The following DOCK10 variants were observed in gnomAD, a reference collection of about 807,000 sequenced individuals.
The protein encoded by DOCK10 is dedicator of cytokinesis protein 10.
In DOCK10, 145 loss-of-function variants were observed where a neutral mutation model predicts 280.1. The observed-to-expected ratio is 0.52, with a 90% CI of 0.45 to 0.59. The LOEUF is 0.59. Among genes scored for constraint, DOCK10 ranks in the 20% least tolerant of loss-of-function variants. The probability of loss-of-function intolerance (pLI) is 0.00; values close to 1 mark genes in which losing one functional copy is unlikely to be tolerated. For missense variants in DOCK10, 2,368 were observed against 2,651.7 expected (o/e 0.89, Z 2.35); for synonymous variants, 915 against 942.2 (o/e 0.97, Z 0.53).
intron 6 of DOCK10, 54 bp from the exon 7 acceptor site, chr2:224,885,859 C>A: frequency 6.4e-7 from 1 of 1,573,614 alleles, no homozygotes; most frequent in South Asian, 1.2e-5. Context: ...TGCTATTACT[C>A]ATAGAAATTA....
At chr2:224,952,616 G>A (rs964720598) in intron 1 of DOCK10, among the ~76,000 whole-genome samples, 4 of 147,010 alleles carry the variant, frequency 2.7e-5, no homozygotes, top group Non-Finnish European at 4.5e-5. Flanking sequence ...TTTTTGAGAC[G>A]GAGTCTTGCT....
chr2:224,930,216 AAAAG>A (rs1157003768), intron 2 of DOCK10, among the ~76,000 whole-genome samples: 2,213 of 146,148 alleles, frequency 0.015, 84 homozygotes, highest in African/African-American at 0.035. Context: ...AAAAAAAAAA[AAAAG>A]AAAGAAAGAA....
intron 41 of DOCK10, 50 bp downstream of exon 41, chr2:224,800,101 C>T: frequency 9.0e-7 from 1 of 1,114,786 alleles, no homozygotes; most frequent in Non-Finnish European, 1.3e-6. Flanking sequence ...CATGGTTTTT[C>T]TACCTCATAT....
chr2:224,841,421 G>A (rs1438366908), intron 23 of DOCK10, among the ~76,000 whole-genome samples: 2 of 152,024 alleles, frequency 1.3e-5, no homozygotes, highest in East Asian at 3.8e-4. Flanking sequence ...AGTATATTCT[G>A]CTGGTATTTT....
chr2:224,836,303 C>T (rs1264842256), intron 25 of DOCK10, among the ~76,000 whole-genome samples: 1 of 152,114 alleles, frequency 6.6e-6, no homozygotes, highest in Admixed American at 6.5e-5. Context: ...TCTTAGGGAG[C>T]AAACTAAAAA....
chr2:225,007,616 T>C (rs908189598), intron 1 of DOCK10, among the ~76,000 whole-genome samples: 2 of 152,144 alleles, frequency 1.3e-5, no homozygotes, highest in African/African-American at 4.8e-5. Context: ...TAATATTAAG[T>C]TGTATTAGAA....
At chr2:224,946,169 G>A (rs933261543) in intron 1 of DOCK10, among the ~76,000 whole-genome samples, 49 of 152,178 alleles carry the variant, frequency 3.2e-4, no homozygotes, top group Non-Finnish European at 1.6e-4. Flanking sequence ...TTATAGAACT[G>A]TAAAGTTCTA....
At chr2:224,788,770 A>C (rs1404314537) in intron 48 of DOCK10, among the ~76,000 whole-genome samples, 1 of 152,236 alleles carries the variant, frequency 6.6e-6, no homozygotes, top group African/African-American at 2.4e-5. Context: ...AGCTATGATC[A>C]GTTCGCAAAA....
In DOCK10 at chr2:224,823,679, G is replaced by A. The variant is rs187291648; in HGVS notation, c.3037-32C>T. On this transcript the variant is annotated intron_variant, in intron 27 of 55. Transcript: ENST00000258390. The stretch of plus-strand genomic sequence containing the variant: ...AAAGAACGGATTATATCTTTCTAAT[G>A]TGGCATGTGAAATATTAAGCCGAGG... 3.4e-5 allele frequency: 52 copies of A among 1,540,722 alleles called. No individual in the cohort carries two copies. In the African/African-American group the frequency reaches 5.5e-4, roughly 16 times the overall value.
At chr2:224,930,553 G>T (rs1023901880) in intron 2 of DOCK10, among the ~76,000 whole-genome samples, 2 of 146,396 alleles carry the variant, frequency 1.4e-5, no homozygotes, top group Non-Finnish European at 1.5e-5. Context: ...TCTTTTTCAT[G>T]AATCCATGGA....
At chr2:224,790,551 T>C (rs1437193888) in intron 47 of DOCK10, among the ~76,000 whole-genome samples, 1 of 152,182 alleles carries the variant, frequency 6.6e-6, no homozygotes, top group Non-Finnish European at 1.5e-5. Context: ...AAATGATCAC[T>C]CCCCAAACAT....
chr2:224,937,530 T>C (rs1334507409), intron 1 of DOCK10, among the ~76,000 whole-genome samples: 1 of 152,136 alleles, frequency 6.6e-6, no homozygotes, highest in African/African-American at 2.4e-5. Flanking sequence ...AAAATAACAC[T>C]CTGAAAATTA....
chr2:224,852,356 C>T (rs61731597), intron 18 of DOCK10, 21 bp downstream of exon 18: 9 of 1,557,752 alleles, frequency 5.8e-6, no homozygotes, highest in Middle Eastern at 1.7e-4. Context: ...TATGCTGGGT[C>T]CCTTTGCTGA....
intron 1 of DOCK10, among the ~76,000 whole-genome samples, chr2:224,969,695 C>A (rs1300292587): frequency 6.6e-6 from 1 of 152,192 alleles, no homozygotes; most frequent in Non-Finnish European, 1.5e-5. Flanking sequence ...AACCCATCAG[C>A]ATTCTTTTCA....
intron 28 of DOCK10, 71 bp downstream of exon 28, chr2:224,823,430 T>A: frequency 7.4e-7 from 1 of 1,346,216 alleles, no homozygotes; most frequent in Non-Finnish European, 9.8e-7. Context: ...TGTGAACTGA[T>A]GAAAGTTTAG....
In DOCK10 at chr2:224,770,526, C is replaced by G. The variant is rs1690366723; in HGVS notation, c.6305+19G>C. The G allele has an allele frequency of 6.2e-7, 1 of 1,605,606 alleles. No homozygotes were observed. The highest frequency in any genetic ancestry group is 8.5e-7 in the Non-Finnish European group (1 of 1,172,348). ...CTCAGGAAGTTCAAGGAAGAACATC[C>G]CAACAGCGAGAAGCTTACCTGAAGA... On this transcript the variant is annotated intron_variant, in intron 54 of 55. Coordinates refer to ENST00000258390, the MANE Select transcript of DOCK10 (RefSeq NM_014689.3). This position sits in a 1 kb window ranked among gnomAD's most constrained non-coding sequence, Gnocchi z 4.5.
In DOCK10 at chr2:224,885,794, C is replaced by G; in HGVS notation, c.624G>C (p.Lys208Asn). Residue 208 changes from lysine (K) to asparagine (N), a missense_variant, in exon 7 of 56, where the codon AAG becomes AAC. Around this residue, in one of 2 missense-constraint regions of DOCK10, gnomAD observed 1,209 missense variants for 1,250.9 expected, o/e 0.97. Transcript: ENST00000258390. ...NNTVTVRSFK[K>N]RYFQLTQLPD... ...GTAACTGAGTCAGCTGGAAGTAGCG[C>G]TTTTTGAATGACTAAATAAAGGAAA... 6.2e-7 allele frequency: 1 copy of G among 1,612,554 alleles called. No individual in the cohort carries two copies.
intron 4 of DOCK10, among the ~76,000 whole-genome samples, chr2:224,891,626 A>C (rs1000585362): frequency 6.6e-6 from 1 of 152,242 alleles, no homozygotes; most frequent in African/African-American, 2.4e-5. Context: ...GATATGAGAC[A>C]GAGAATACCA....
chr2:224,885,716 T>C lies in DOCK10; in HGVS notation c.702A>G (p.Glu234=). The C allele has an allele frequency of 1.2e-6, 2 of 1,613,662 alleles. No individual in the cohort carries two copies. The highest frequency in any genetic ancestry group is 1.7e-6 in the Non-Finnish European group (2 of 1,179,746). The change falls in exon 7 of 56, where the codon GAA becomes GAG. Residue 234 remains glutamate (E), a synonymous_variant. Coordinates refer to ENST00000258390, the MANE Select transcript of DOCK10 (RefSeq NM_014689.3). The part of the protein sequence containing the change: ...NFYKDEKISK[E]PKGCIFLDSC... ...AATCCAAAAAGATGCATCCTTTGGG[T>C]TCTTTGGATATTTTCTCATCTTTGT... is the stretch of plus-strand genomic sequence containing the variant.
Sources: gnomAD v4.1 joint callset for allele counts (sites outside exome capture counted in the v4.1 genomes callset) on GRCh38, gnomAD v4.1.1 for gene constraint, gnomAD v4.1.1 regional missense constraint, Gnocchi (gnomAD v3.1) non-coding constraint, MANE v1.5 for transcripts, NCBI Gene and HGNC (gene_info 2026-07-23, HGNC 2026-07-21) for gene names.